ZBTB20: variants seen among roughly 807,000 people sequenced by gnomAD.
ZBTB20 encodes the protein zinc finger and BTB domain-containing protein 20.
Under a neutral mutation model 56.9 loss-of-function variants are expected in ZBTB20, and 9 were observed. The ratio of observed to expected loss-of-function variants is 0.16; its 90% CI spans 0.10 to 0.28. The LOEUF is 0.28. Ranked by LOEUF, ZBTB20 falls within the 10% of genes least tolerant of loss-of-function variation. The probability of loss-of-function intolerance (pLI) is 1.00; values close to 1 mark genes in which losing one functional copy is unlikely to be tolerated. For synonymous variants in ZBTB20, 417 were observed against 420.7 expected (o/e 0.99, Z 0.11); for missense variants, 655 against 1,003.0 (o/e 0.65, Z 4.69).
In ZBTB20 at chr3:114,332,074, T is replaced by TC. The variant is rs1303804962; in HGVS notation, c.*6930_*6931insG. On this transcript the variant is annotated 3_prime_UTR_variant, in exon 12 of 12. Coordinates refer to ENST00000675478, the MANE Select transcript of ZBTB20 (RefSeq NM_001348800.3). ...GCCCCCAAGGTTTTTTTTTTTTTTTTTTTTTTTTTCTCTCTTGGATGTATC... is the reference window on the plus strand; with the variant it reads ...GCCCCCAAGGTTTTTTTTTTTTTTTTCTTTTTTTTTCTCTCTTGGATGTATC... 1 of 149,230 alleles carries TC rather than the reference T, an allele frequency of 6.7e-6. No homozygotes were observed. Among genetic ancestry groups the TC allele is most frequent in the East Asian group, 1.9e-4 (1 of 5,150 alleles). 9.2% of individuals were successfully genotyped at this position (149,230 alleles called of 1,614,324 possible).
At chr3:114,781,589 G>A (rs2070100121) in intron 5 of ZBTB20, among the ~76,000 whole-genome samples, 2 of 152,166 alleles carry the variant, frequency 1.3e-5, no homozygotes, top group South Asian at 4.1e-4. Flanking sequence ...CTTTTAAGGG[G>A]AGTAATCTAA....
At chr3:115,047,330 C>T (rs2081369283) in intron 2 of ZBTB20, among the ~76,000 whole-genome samples, 1 of 152,106 alleles carries the variant, frequency 6.6e-6, no homozygotes, top group Admixed American at 6.5e-5. Flanking sequence ...TGAGAAAAGA[C>T]AACATACTTG....
intron 7 of ZBTB20, among the ~76,000 whole-genome samples, chr3:114,476,899 A>G (rs1004222065): frequency 1.3e-5 from 2 of 152,176 alleles, no homozygotes; most frequent in Non-Finnish European, 2.9e-5. Flanking sequence ...GTCTTACCCC[A>G]TCATTACCTA....
intron 5 of ZBTB20, among the ~76,000 whole-genome samples, chr3:114,770,610 A>C (rs537696680): frequency 6.6e-6 from 1 of 152,334 alleles, no homozygotes; most frequent in African/African-American, 2.4e-5. Flanking sequence ...TTGTCAACTG[A>C]GTAGAAAAAA....
intron 3 of ZBTB20, among the ~76,000 whole-genome samples, chr3:114,907,904 G>A (rs375131653): frequency 5.1e-4 from 77 of 151,858 alleles, no homozygotes; most frequent in Admixed American, 2.0e-3. Context: ...AATTATCTGC[G>A]CTAAGGAATT....
intron 7 of ZBTB20, among the ~76,000 whole-genome samples, chr3:114,426,372 T>C (rs757549544): frequency 7.9e-6 from 1 of 126,382 alleles, no homozygotes; most frequent in Admixed American, 8.2e-5. Flanking sequence ...AAAAAAAAAA[T>C]TGCCTCCTCA....
intron 7 of ZBTB20, among the ~76,000 whole-genome samples, chr3:114,390,290 G>T (rs1275860517): frequency 6.6e-6 from 1 of 152,076 alleles, no homozygotes; most frequent in Non-Finnish European, 1.5e-5. Flanking sequence ...TCTTTTTGAA[G>T]GCTGAATAGT....
At chr3:114,578,077 A>G (rs1170821364) in intron 6 of ZBTB20, among the ~76,000 whole-genome samples, 1 of 152,170 alleles carries the variant, frequency 6.6e-6, no homozygotes, top group African/African-American at 2.4e-5. Context: ...ACTCATACCT[A>G]AAAAAGAACA....
chr3:114,541,506 T>TA (rs1434017473), intron 6 of ZBTB20, among the ~76,000 whole-genome samples: 1 of 152,158 alleles, frequency 6.6e-6, no homozygotes, highest in Non-Finnish European at 1.5e-5. Flanking sequence ...TACAATGCCC[T>TA]ATTTGAGTGA....
chr3:114,347,734 G>A (rs575592659), intron 11 of ZBTB20, among the ~76,000 whole-genome samples: 10 of 152,128 alleles, frequency 6.6e-5, no homozygotes, highest in Non-Finnish European at 1.0e-4. Context: ...TTTCCAAACT[G>A]CCACTGCCAA....
intron 5 of ZBTB20, among the ~76,000 whole-genome samples, chr3:114,724,665 TAACTA>T (rs1371444039): frequency 6.6e-6 from 1 of 152,180 alleles, no homozygotes. Context: ...TTTAGATAAT[TAACTA>T]GAATGCCTGG....
At chr3:114,354,113 A>G (rs1444671833) in intron 10 of ZBTB20, among the ~76,000 whole-genome samples, 3 of 152,174 alleles carry the variant, frequency 2.0e-5, no homozygotes, top group Non-Finnish European at 2.9e-5. Context: ...TTAGGCTGTG[A>G]TGCTTTGACA....
chr3:114,877,719 G>A (rs2076250311), intron 4 of ZBTB20, among the ~76,000 whole-genome samples: 1 of 152,176 alleles, frequency 6.6e-6, no homozygotes, highest in African/African-American at 2.4e-5. Flanking sequence ...TTCTATAACT[G>A]TCCACAAAAG....
intron 7 of ZBTB20, among the ~76,000 whole-genome samples, chr3:114,487,274 G>A (rs2042247508): frequency 6.6e-6 from 1 of 152,138 alleles, no homozygotes; most frequent in African/African-American, 2.4e-5. Context: ...GGGCACTGCT[G>A]GCAGCACTAA....
In ZBTB20 at chr3:114,781,245, C is replaced by T. The variant is rs553141033; in HGVS notation, c.-343+19856G>A. Reference sequence around the variant, plus strand: ...TCTCTCTGTGCCTCAGTTTCCTCACCAGTAAAATTAGGATAACAACAGTGA... The same window carrying T: ...TCTCTCTGTGCCTCAGTTTCCTCACTAGTAAAATTAGGATAACAACAGTGA... On this transcript the variant is annotated intron_variant, in intron 5 of 11. Transcript: ENST00000675478. Among the ~76,000 whole-genome samples, 12 of 152,184 alleles carry T rather than the reference C, an allele frequency of 7.9e-5. No individual in the cohort carries two copies. In the East Asian group the frequency reaches 1.9e-3, roughly 25 times the overall value.
intron 3 of ZBTB20, among the ~76,000 whole-genome samples, chr3:114,966,906 A>G (rs936030695): frequency 6.6e-6 from 1 of 152,142 alleles, no homozygotes; most frequent in Non-Finnish European, 1.5e-5. Flanking sequence ...CATGGGAAAC[A>G]TTTTAGGATA....
chr3:114,350,508 A>T lies in ZBTB20; in HGVS notation c.1570T>A (p.Phe524Ile). The change falls in exon 11 of 12, where the codon TTC becomes ATC. Residue 524 changes from phenylalanine (F) to isoleucine (I), a missense_variant. This residue lies in a region of ZBTB20 where 71 missense variants were observed against 89.4 expected (regional missense o/e 0.79). Coordinates refer to ENST00000675478, the MANE Select transcript of ZBTB20 (RefSeq NM_001348800.3). ...TQPAGSGPKPFLFSLPQPLAG... is the reference protein window; with the variant it reads ...TQPAGSGPKPILFSLPQPLAG... ...AGGGGCTGTGGCAGGCTGAAGAGGA[A>T]AGGCTTGGGGCCACTGCCCGCGGGC... 2 of 1,614,066 alleles carry T rather than the reference A, an allele frequency of 1.2e-6. No individual in the cohort carries two copies. Among genetic ancestry groups the T allele is most frequent in the South Asian group, 2.2e-5 (2 of 91,074 alleles).
chr3:114,799,410 T>C (rs755715744), intron 5 of ZBTB20, among the ~76,000 whole-genome samples: 1 of 151,968 alleles, frequency 6.6e-6, no homozygotes, highest in Non-Finnish European at 1.5e-5. Flanking sequence ...GGGAGATGGA[T>C]ACCTCGTATG....
chr3:114,962,151 TC>T (rs1455640302), intron 3 of ZBTB20, among the ~76,000 whole-genome samples: 25 of 151,140 alleles, frequency 1.7e-4, no homozygotes, highest in South Asian at 2.1e-4. Flanking sequence ...CTTTCTAAGC[TC>T]CCTTTTCCAC....
Sources: gnomAD v4.1 joint callset for allele counts (sites outside exome capture counted in the v4.1 genomes callset) on GRCh38, gnomAD v4.1.1 for gene constraint, gnomAD v4.1.1 regional missense constraint, MANE v1.5 for transcripts, NCBI Gene and HGNC (gene_info 2026-07-23, HGNC 2026-07-21) for gene names.